The following PAMR1 variants were observed in gnomAD, a reference collection of about 807,000 sequenced individuals.
The protein encoded by PAMR1 is inactive serine protease PAMR1.
A neutral mutation model predicts 81.8 loss-of-function variants in PAMR1; 88 were observed. That is an observed-to-expected ratio of 1.08 (90% confidence interval 0.91 to 1.28). The LOEUF (loss-of-function observed/expected upper bound fraction) is 1.28, where lower values mean the gene tolerates loss of function less well. Among genes scored for constraint, PAMR1 ranks in the 50% most tolerant of loss-of-function variants. The pLI is 0.00. For missense variants in PAMR1, 935 were observed against 919.7 expected, an observed-to-expected ratio of 1.02 and a Z score of -0.21; for synonymous variants, 336 against 345.3, an observed-to-expected ratio of 0.97 and a Z score of 0.30.
At chr11:35,442,827 T>A (rs2135344123) in intron 6 of PAMR1, among the ~76,000 whole-genome samples, 1 of 152,220 alleles carries the variant, frequency 6.6e-6, no homozygotes, top group Middle Eastern at 3.4e-3. Flanking sequence ...GGTCTTGAAC[T>A]CCTAAGCTCA....
intron 1 of PAMR1, among the ~76,000 whole-genome samples, chr11:35,512,859 C>T (rs758056791): frequency 6.6e-6 from 1 of 152,108 alleles, no homozygotes; most frequent in Non-Finnish European, 1.5e-5. Flanking sequence ...GGCATAGTGC[C>T]ATGTGCCTGT....
At chr11:35,468,837 C>T (rs1812978679) in intron 5 of PAMR1, among the ~76,000 whole-genome samples, 1 of 152,208 alleles carries the variant, frequency 6.6e-6, no homozygotes, top group Admixed American at 6.5e-5. Context: ...GAGAAACATT[C>T]ATCTGTGTGT....
intron 1 of PAMR1, among the ~76,000 whole-genome samples, chr11:35,521,127 T>C (rs1851268092): frequency 6.6e-6 from 1 of 152,236 alleles, no homozygotes; most frequent in Non-Finnish European, 1.5e-5. Context: ...CTGTCTTCAG[T>C]TTCCACTGAA....
chr11:35,494,319 G>C, intron 1 of PAMR1, 47 bp from the exon 2 acceptor site: 1 of 1,491,776 alleles, frequency 6.7e-7, no homozygotes. Context: ...GCAGGGAGTG[G>C]TAAGACTCTT....
At chr11:35,497,348 A>T (rs574337065) in intron 1 of PAMR1, among the ~76,000 whole-genome samples, 1 of 152,336 alleles carries the variant, frequency 6.6e-6, no homozygotes, top group South Asian at 2.1e-4. Context: ...GTCTGATTCT[A>T]CTTAAATGCA....
At chr11:35,526,345 A>G (rs1851389833), upstream of PAMR1, among the ~76,000 whole-genome samples, 1 of 152,192 alleles carries the variant, frequency 6.6e-6, no homozygotes, top group African/African-American at 2.4e-5. Flanking sequence ...AGCAACATAA[A>G]TAGCTCCTGC....
intron 6 of PAMR1, among the ~76,000 whole-genome samples, chr11:35,450,418 C>T (rs1359426217): frequency 6.6e-6 from 1 of 152,144 alleles, no homozygotes; most frequent in Non-Finnish European, 1.5e-5. Context: ...ACTGAGTAAG[C>T]TGTTTAAAAA....
intron 8 of PAMR1, among the ~76,000 whole-genome samples, chr11:35,436,723 A>G (rs596573): frequency 6.6e-6 from 1 of 151,924 alleles, no homozygotes; most frequent in South Asian, 2.1e-4. Flanking sequence ...ATTCTCTTGT[A>G]TACTTCAATC....
At chr11:35,463,096 G>A (rs759916731) in intron 6 of PAMR1, among the ~76,000 whole-genome samples, 3 of 152,182 alleles carry the variant, frequency 2.0e-5, no homozygotes, top group Admixed American at 6.5e-5. Context: ...GTCTCAGTAC[G>A]TTCTCACTGG....
chr11:35,493,146 C>T (rs1260620110), intron 2 of PAMR1, among the ~76,000 whole-genome samples: 1 of 152,166 alleles, frequency 6.6e-6, no homozygotes, highest in Non-Finnish European at 1.5e-5. Context: ...ATCCCTCTAC[C>T]TCTCACCATC....
At position 35,462,851 on chromosome 11, in the gene PAMR1, A is replaced by T. The variant is rs553895547; in HGVS notation, c.820+5150T>A. 5.1e-4 allele frequency among the ~76,000 whole-genome samples: 77 copies of T among 152,330 alleles called. No individual in the cohort carries two copies. The South Asian group carries it at 6.0e-3, about 12-fold the overall frequency. ...GTCAAACCAAGGTTTTTCTGGCCAC[A>T]GATTCTAAGGTGATTCTTCACCTTG... On this transcript the variant is annotated intron_variant, in intron 6 of 10. Transcript: ENST00000619888.
intron 6 of PAMR1, among the ~76,000 whole-genome samples, chr11:35,460,555 T>G (rs1231490731): frequency 6.6e-6 from 1 of 152,118 alleles, no homozygotes; most frequent in Non-Finnish European, 1.5e-5. Context: ...AATTCCCACC[T>G]ATGAGTGAGA....
chr11:35,521,866 G>A (rs2135427812), intron 1 of PAMR1, among the ~76,000 whole-genome samples: 1 of 152,152 alleles, frequency 6.6e-6, no homozygotes, highest in East Asian at 1.9e-4. Context: ...ATTTATTGTG[G>A]AAAATATATA....
At chr11:35,471,693 A>C (rs1486655992) in intron 4 of PAMR1, among the ~76,000 whole-genome samples, 1 of 152,196 alleles carries the variant, frequency 6.6e-6, no homozygotes, top group Non-Finnish European at 1.5e-5. Context: ...GTTTGAAAAC[A>C]CTGAGATACA....
At chr11:35,436,656 TCACACACACACACACACACA>T (rs34951313) in intron 8 of PAMR1, among the ~76,000 whole-genome samples, 5 of 144,944 alleles carry the variant, frequency 3.4e-5, no homozygotes, top group Non-Finnish European at 7.6e-5. Flanking sequence ...TCTCTCTCTG[TCACACACACACACACACACA>T]CACACACACA....
intron 1 of PAMR1, among the ~76,000 whole-genome samples, chr11:35,517,415 C>T (rs1490269163): frequency 6.6e-6 from 1 of 152,200 alleles, no homozygotes; most frequent in African/African-American, 2.4e-5. Context: ...CCTACCCTTT[C>T]CTCTGTAATG....
chr11:35,487,080 TCCCTTCTG>T (rs927353608), intron 3 of PAMR1, among the ~76,000 whole-genome samples: 1 of 152,032 alleles, frequency 6.6e-6, no homozygotes, highest in African/African-American at 2.4e-5. Context: ...ATGGTTGCTG[TCCCTTCTG>T]CCTAAGCCCT....
At chr11:35,529,537 A>G (rs1180069576), upstream of PAMR1, among the ~76,000 whole-genome samples, 1 of 152,210 alleles carries the variant, frequency 6.6e-6, no homozygotes, top group Non-Finnish European at 1.5e-5. Context: ...ACCTGTGTAC[A>G]CTTGGGCATG....
chr11:35,475,453 G>A (rs985366645), intron 3 of PAMR1, among the ~76,000 whole-genome samples: 7 of 152,106 alleles, frequency 4.6e-5, no homozygotes, highest in African/African-American at 1.7e-4. Flanking sequence ...CCTCCACCCC[G>A]ATCCTTACCT....
Sources: gnomAD v4.1 joint callset for allele counts (sites outside exome capture counted in the v4.1 genomes callset) on GRCh38, gnomAD v4.1.1 for gene constraint, MANE v1.5 for transcripts, NCBI Gene and HGNC (gene_info 2026-07-23, HGNC 2026-07-21) for gene names.